The following ENAH variants were observed in gnomAD, a reference collection of about 807,000 sequenced individuals.
ENAH encodes protein enabled homolog.
Under a neutral mutation model 78.7 loss-of-function variants are expected in ENAH, and 23 were observed. The observed-to-expected ratio is 0.29, with a 90% CI of 0.21 to 0.41. The LOEUF (loss-of-function observed/expected upper bound fraction) is 0.41. Ranked by LOEUF, ENAH falls within the 10% of genes least tolerant of loss-of-function variation. ENAH has a pLI of 1.00. For synonymous variants in ENAH, 226 were observed against 241.0 expected (o/e 0.94, Z 0.58); for missense variants, 544 against 691.0 (o/e 0.79, Z 2.39).
chr1:225,566,096 T>C (rs966545645), intron 2 of ENAH, among the ~76,000 whole-genome samples: 1 of 152,060 alleles, frequency 6.6e-6, no homozygotes, highest in Non-Finnish European at 1.5e-5. Context: ...CCTAATTTCT[T>C]GGCTTAAGTT....
intron 6 of ENAH, chr1:225,515,285 C>A (rs2096408924): frequency 1.1e-5 from 2 of 180,958 alleles, no homozygotes; most frequent in South Asian, 1.3e-4. Context: ...AAATATCAGA[C>A]CCAAAATAAT....
intron 4 of ENAH, among the ~76,000 whole-genome samples, chr1:225,529,957 G>A (rs2151253971): frequency 6.6e-6 from 1 of 152,268 alleles, no homozygotes; most frequent in East Asian, 1.9e-4. Flanking sequence ...GATGAGTTGG[G>A]GCTTCCAGTG....
chr1:225,544,549 G>A (rs2096604317), intron 3 of ENAH, among the ~76,000 whole-genome samples: 1 of 152,166 alleles, frequency 6.6e-6, no homozygotes, highest in Non-Finnish European at 1.5e-5. Context: ...CTTGCTATGA[G>A]ACATGAAACC....
intron 1 of ENAH, among the ~76,000 whole-genome samples, chr1:225,595,265 G>A (rs574893165): frequency 2.6e-5 from 4 of 152,110 alleles, no homozygotes; most frequent in Non-Finnish European, 4.4e-5. Flanking sequence ...CACGGGAGGC[G>A]GAGGTTGCAG....
intron 4 of ENAH, among the ~76,000 whole-genome samples, chr1:225,521,985 C>T (rs927398284): frequency 2.0e-5 from 3 of 151,988 alleles, no homozygotes; most frequent in South Asian, 2.1e-4. Context: ...TTAGTAGAGA[C>T]GGGGTTTCAC....
Position 225,519,389 on chromosome 1 carries a change from AGGCG to A in ENAH, c.607_610del (p.Arg203TrpfsTer48). 1 of 1,590,852 alleles carries A rather than the reference AGGCG, an allele frequency of 6.3e-7. No homozygotes were observed. Among genetic ancestry groups the A allele is most frequent in the South Asian group, 1.1e-5 (1 of 90,304 alleles). On this transcript the variant is annotated frameshift_variant, in exon 5 of 14. Coordinates refer to ENST00000366843, the MANE Select transcript of ENAH (RefSeq NM_018212.6). LOFTEE classifies it high-confidence loss of function. ...CCGCTCCAGGCGTTCCTGCCGCTCCAGGCGTTCCTGCCGTTCCCGTTCTTGTCTC... is the reference window on the plus strand; with the variant it reads ...CCGCTCCAGGCGTTCCTGCCGCTCCATTCCTGCCGTTCCCGTTCTTGTCTC...
intron 1 of ENAH, among the ~76,000 whole-genome samples, chr1:225,623,458 ATTTTTC>A (rs979708237): frequency 3.9e-5 from 6 of 151,968 alleles, no homozygotes; most frequent in Non-Finnish European, 8.8e-5. Context: ...CCATTAACAA[ATTTTTC>A]TTTTTTTTAG....
chr1:225,567,106 G>T, intron 2 of ENAH, 143 bp downstream of exon 2: 1 of 829,318 alleles, frequency 1.2e-6, no homozygotes, highest in East Asian at 2.9e-5. Context: ...AGGTAGAAAG[G>T]GTGGAGAGAC....
At chr1:225,513,124 C>T in intron 7 of ENAH, 108 bp from the exon 8 acceptor site, 1 of 995,106 alleles carries the variant, frequency 1.0e-6, no homozygotes, top group South Asian at 2.4e-5. Context: ...TTTTAAAAAA[C>T]CTAAATATTA....
At chr1:225,518,004 G>A in intron 5 of ENAH, 3 of 1,531,578 alleles carry the variant, frequency 2.0e-6, no homozygotes, top group Non-Finnish European at 2.6e-6. Flanking sequence ...GACAGAAGGT[G>A]GAAAGCAGCA....
At chr1:225,528,373 G>A (rs1327674602) in intron 4 of ENAH, among the ~76,000 whole-genome samples, 3 of 152,128 alleles carry the variant, frequency 2.0e-5, no homozygotes, top group Admixed American at 6.5e-5. Flanking sequence ...AACACAGAGC[G>A]AAAGATGAGT....
intron 1 of ENAH, among the ~76,000 whole-genome samples, chr1:225,567,855 C>A (rs2096742429): frequency 6.6e-6 from 1 of 152,130 alleles, no homozygotes; most frequent in African/African-American, 2.4e-5. Flanking sequence ...GTTTAGTATA[C>A]TGATGACCTG....
chr1:225,573,145 T>C (rs1161990159), intron 1 of ENAH, among the ~76,000 whole-genome samples: 1 of 152,218 alleles, frequency 6.6e-6, no homozygotes, highest in Non-Finnish European at 1.5e-5. Flanking sequence ...TTGTATATAC[T>C]ATTTATTGAG....
chr1:225,652,657 G>GCCCGGCC, intron 1 of ENAH, 29 bp downstream of exon 1: 1 of 1,267,710 alleles, frequency 7.9e-7, no homozygotes, highest in Non-Finnish European at 9.9e-7. Flanking sequence ...ACAATGGCCC[G>GCCCGGCC]CCCGGCCCCC....
At chr1:225,640,757 T>A (rs1190500919) in intron 1 of ENAH, among the ~76,000 whole-genome samples, 1 of 152,158 alleles carries the variant, frequency 6.6e-6, no homozygotes, top group Non-Finnish European at 1.5e-5. Context: ...CAGTAAGTAC[T>A]CAATAACAGC....
At chr1:225,610,691 T>C (rs1436024412) in intron 1 of ENAH, among the ~76,000 whole-genome samples, 1 of 151,386 alleles carries the variant, frequency 6.6e-6, no homozygotes, top group East Asian at 1.9e-4. Context: ...TAAACAGAAC[T>C]AAAATTAAAA....
rs1222646031 is a variant in ENAH at position 225,633,510 on chromosome 1, T to C, written c.5+19176A>G. ...CATTGAAAGGTAAAATAAGAGGCTA[T>C]AGAAAGTATTAAGAGCAAGGACTTT... On this transcript the variant is annotated intron_variant, in intron 1 of 13. Transcript: ENST00000366843. Among the ~76,000 whole-genome samples, 6 of 152,272 alleles carry C rather than the reference T, an allele frequency of 3.9e-5. No homozygotes were observed. In the East Asian group the frequency reaches 5.8e-4, roughly 15 times the overall value.
rs2096506450 is a variant in ENAH, at chr1:225,526,487, T to C, written c.434+4067A>G. On this transcript the variant is annotated intron_variant, in intron 4 of 13. Transcript: ENST00000366843. ...TCAAGTAGCTGGAACTACAGGTGCA[T>C]GCCACCAGGCCTGGCTAATTTTTGC... Among the ~76,000 whole-genome samples, 4 of 152,044 alleles carry C rather than the reference T, an allele frequency of 2.6e-5. No homozygotes were observed. In the South Asian group the frequency reaches 8.3e-4, roughly 31 times the overall value.
At chr1:225,648,087 G>A (rs1021934520) in intron 1 of ENAH, among the ~76,000 whole-genome samples, 10 of 152,116 alleles carry the variant, frequency 6.6e-5, no homozygotes, top group Non-Finnish European at 1.0e-4. Flanking sequence ...CTTGTTTCTA[G>A]TCAGGAAAAT....
Sources: gnomAD v4.1 joint callset for allele counts (sites outside exome capture counted in the v4.1 genomes callset) on GRCh38, gnomAD v4.1.1 for gene constraint, MANE v1.5 for transcripts, NCBI Gene and HGNC (gene_info 2026-07-23, HGNC 2026-07-21) for gene names.